The following GAREM1 variants were observed in gnomAD, a reference collection of about 807,000 sequenced individuals.
GAREM1 encodes the protein GRB2-associated and regulator of MAPK protein 1.
In GAREM1, 26 loss-of-function variants were observed where a neutral mutation model predicts 71.3. The ratio of observed to expected loss-of-function variants is 0.36; its 90% CI spans 0.27 to 0.51. The LOEUF is 0.51. Among genes scored for constraint, GAREM1 ranks in the 20% least tolerant of loss-of-function variants. GAREM1 has a pLI of 0.95. For missense variants in GAREM1, 1,026 were observed against 1,103.1 expected (o/e 0.93, Z 0.99); for synonymous variants, 440 against 433.2 (o/e 1.02, Z -0.20).
chr18:32,469,650 T>A (rs1416061196), intron 1 of GAREM1, among the ~76,000 whole-genome samples: 1 of 152,216 alleles, frequency 6.6e-6, no homozygotes, highest in Non-Finnish European at 1.5e-5. Flanking sequence ...GAGCTCAGGT[T>A]CCGAATCAAT....
At chr18:32,465,872 C>A (rs1358319620) in intron 1 of GAREM1, among the ~76,000 whole-genome samples, 1 of 152,206 alleles carries the variant, frequency 6.6e-6, no homozygotes, top group Non-Finnish European at 1.5e-5. Flanking sequence ...CTGTCGTTCA[C>A]CATCTCCCCT....
chr18:32,288,864 CA>C, intron 3 of GAREM1, among the ~76,000 whole-genome samples: 2 of 152,268 alleles, frequency 1.3e-5, no homozygotes, highest in Middle Eastern at 3.4e-3. Flanking sequence ...GCATATCCTT[CA>C]TCAATAGTAA....
At chr18:32,349,117 T>C (rs1268852945) in intron 2 of GAREM1, among the ~76,000 whole-genome samples, 1 of 152,186 alleles carries the variant, frequency 6.6e-6, no homozygotes, top group East Asian at 1.9e-4. Flanking sequence ...CAGTATTGAA[T>C]TACATGGGAT....
At chr18:32,421,386 C>G (rs774028152) in intron 1 of GAREM1, among the ~76,000 whole-genome samples, 1 of 152,152 alleles carries the variant, frequency 6.6e-6, no homozygotes, top group Non-Finnish European at 1.5e-5. Context: ...AATACAGGCT[C>G]CCAGCAGCTC....
intron 1 of GAREM1, among the ~76,000 whole-genome samples, chr18:32,450,996 T>C (rs752464501): frequency 6.6e-6 from 1 of 151,532 alleles, no homozygotes. Flanking sequence ...AAAAAAAAAT[T>C]AAATTAGCCA....
intron 4 of GAREM1, among the ~76,000 whole-genome samples, chr18:32,275,589 C>T (rs1033445688): frequency 6.6e-6 from 1 of 152,336 alleles, no homozygotes; most frequent in South Asian, 2.1e-4. Flanking sequence ...CCCAAAGCCT[C>T]GCTTCCTGAG....
intron 1 of GAREM1, among the ~76,000 whole-genome samples, chr18:32,436,667 C>T (rs1170733641): frequency 3.9e-5 from 6 of 151,996 alleles, no homozygotes; most frequent in Admixed American, 3.9e-4. Context: ...CAACAATTTC[C>T]CTTGAATTTT....
At chr18:32,461,387 T>C (rs890576541) in intron 1 of GAREM1, among the ~76,000 whole-genome samples, 7 of 152,236 alleles carry the variant, frequency 4.6e-5, no homozygotes, top group Admixed American at 2.0e-4. Context: ...AGGCTTTTCA[T>C]GTGGAAAGGT....
intron 1 of GAREM1, among the ~76,000 whole-genome samples, chr18:32,455,296 G>T (rs2048876871): frequency 6.6e-6 from 1 of 152,020 alleles, no homozygotes; most frequent in Non-Finnish European, 1.5e-5. Context: ...CTGGGGGAAA[G>T]GTAAACAAAA....
chr18:32,457,222 A>AT (rs2048900836), intron 1 of GAREM1, among the ~76,000 whole-genome samples: 1 of 84,240 alleles, frequency 1.2e-5, no homozygotes, highest in African/African-American at 5.2e-5. Flanking sequence ...AGAGAGAGAG[A>AT]GAGAGTGTGT....
intron 2 of GAREM1, among the ~76,000 whole-genome samples, chr18:32,363,997 T>TAAATACATATATAC (rs1445122999): frequency 3.5e-5 from 1 of 28,924 alleles, no homozygotes; most frequent in Non-Finnish European, 6.3e-5. Flanking sequence ...CATATATACA[T>TAAATACATATATAC]ATATATATAT....
chr18:32,428,262 G>GT (rs2144252469), intron 1 of GAREM1, among the ~76,000 whole-genome samples: 1 of 152,308 alleles, frequency 6.6e-6, no homozygotes, highest in South Asian at 2.1e-4. Flanking sequence ...ACATGGTATT[G>GT]TAAGAGACAA....
At chr18:32,352,831 G>C (rs1173112381) in intron 2 of GAREM1, among the ~76,000 whole-genome samples, 3 of 152,178 alleles carry the variant, frequency 2.0e-5, no homozygotes, top group Admixed American at 1.3e-4. Flanking sequence ...GGCTGATTCA[G>C]AGTCTGTAGA....
At chr18:32,413,596 G>T (rs893596374) in intron 1 of GAREM1, among the ~76,000 whole-genome samples, 1 of 152,138 alleles carries the variant, frequency 6.6e-6, no homozygotes, top group South Asian at 2.1e-4. Flanking sequence ...CAAAATAATG[G>T]AAATAAGCAA....
chr18:32,365,761 C>T (rs1201894120), intron 2 of GAREM1, among the ~76,000 whole-genome samples: 1 of 152,224 alleles, frequency 6.6e-6, no homozygotes, highest in Non-Finnish European at 1.5e-5. Flanking sequence ...CTAATCCTAA[C>T]TCCCTCAGGC....
intron 2 of GAREM1, among the ~76,000 whole-genome samples, chr18:32,383,242 G>C (rs1006439266): frequency 1.3e-5 from 2 of 152,162 alleles, no homozygotes; most frequent in African/African-American, 4.8e-5. Flanking sequence ...TCTTGCTCCA[G>C]ATATCAGAAA....
chr18:32,309,615 C>CAAAAAAA (rs11370938), intron 3 of GAREM1, among the ~76,000 whole-genome samples: 37 of 13,844 alleles, frequency 2.7e-3, no homozygotes, highest in African/African-American at 4.2e-3. Flanking sequence ...GACTCAGTCT[C>CAAAAAAA]AAAAAAAAAA....
At chr18:32,432,850 T>C (rs1401099712) in intron 1 of GAREM1, among the ~76,000 whole-genome samples, 2 of 152,044 alleles carry the variant, frequency 1.3e-5, no homozygotes, top group Non-Finnish European at 2.9e-5. Flanking sequence ...TATTGGCAAA[T>C]TCTACCAAAC....
chr18:32,271,904 C>A lies in GAREM1; in HGVS notation c.1567-1521G>T, dbSNP rs571312228. On this transcript the variant is annotated intron_variant, in intron 4 of 5. Transcript: ENST00000269209. ...GTCAGGCAGCAGGGGGCAGTTTATA[C>A]CTGGCTCTGCTAGTCTACCCTAAGC... 5.9e-5 allele frequency among the ~76,000 whole-genome samples: 9 copies of A among 152,258 alleles called. No individual in the cohort carries two copies. The East Asian group carries it at 1.7e-3, about 29-fold the overall frequency.
Sources: allele counts gnomAD v4.1 joint callset (sites outside exome capture counted in the v4.1 genomes callset), GRCh38; gene constraint gnomAD v4.1.1; transcripts MANE v1.5; gene names NCBI Gene and HGNC (gene_info 2026-07-23, HGNC 2026-07-21).